The following CEP70 variants were observed in gnomAD, a reference collection of about 807,000 sequenced individuals.
The protein encoded by CEP70 is centrosomal protein of 70 kDa.
CEP70 carries 70 observed loss-of-function variants against 90.9 expected under a neutral mutation model. That is an observed-to-expected ratio of 0.77 (90% CI 0.64 to 0.94). CEP70 has a LOEUF of 0.94. Ranked by LOEUF, CEP70 falls within the 40% of genes least tolerant of loss-of-function variation. The pLI is 0.00. For synonymous variants in CEP70, 220 were observed against 228.3 expected (o/e 0.96, Z 0.33); for missense variants, 648 against 669.0 (o/e 0.97, Z 0.35).
chr3:138,545,108 A>G (rs977858830), intron 6 of CEP70, among the ~76,000 whole-genome samples: 5 of 152,216 alleles, frequency 3.3e-5, no homozygotes, highest in Non-Finnish European at 5.9e-5. Context: ...GGTGATGGAT[A>G]TCTCATTTAC....
At chr3:138,509,122 G>A (rs2035281457) in intron 11 of CEP70, among the ~76,000 whole-genome samples, 1 of 152,130 alleles carries the variant, frequency 6.6e-6, no homozygotes, top group South Asian at 2.1e-4. Flanking sequence ...TCTGAAGACA[G>A]AAGAGATCAG....
At chr3:138,510,673 A>G (rs1353575491) in intron 11 of CEP70, among the ~76,000 whole-genome samples, 1 of 152,086 alleles carries the variant, frequency 6.6e-6, no homozygotes, top group East Asian at 1.9e-4. Context: ...GGCATACTCA[A>G]ATTGAAGAGG....
chr3:138,562,022 CAAA>C (rs35638353), intron 6 of CEP70, among the ~76,000 whole-genome samples: 11 of 110,854 alleles, frequency 9.9e-5, no homozygotes, highest in Non-Finnish European at 9.4e-5. Context: ...GACGCCGTCT[CAAA>C]AAAAAAAAAA....
chr3:138,527,431 T>C (rs2037375365), intron 10 of CEP70, among the ~76,000 whole-genome samples: 1 of 151,892 alleles, frequency 6.6e-6, no homozygotes, highest in Non-Finnish European at 1.5e-5. Flanking sequence ...GCACGGTGGC[T>C]CACGCTTGTA....
intron 6 of CEP70, among the ~76,000 whole-genome samples, chr3:138,562,654 C>T (rs1400195696): frequency 6.6e-6 from 1 of 152,156 alleles, no homozygotes; most frequent in Non-Finnish European, 1.5e-5. Flanking sequence ...CAAACAAATG[C>T]TGAGCAATTT....
rs5852917 is a variant in CEP70 at position 138,587,620 on chromosome 3, C to CAAAAAAAAAAAA, written c.-6+4233_-6+4234insTTTTTTTTTTTT. 5.5e-4 allele frequency among the ~76,000 whole-genome samples: 76 copies of CAAAAAAAAAAAA among 137,404 alleles called. 3 individuals carry two copies. The highest frequency in any genetic ancestry group is 3.8e-3 in the Middle Eastern group (1 of 262). 90.1% of individuals were successfully genotyped at this position (137,404 alleles called of 152,430 possible). On this transcript the variant is annotated intron_variant, in intron 2 of 17. Coordinates refer to ENST00000264982, the MANE Select transcript of CEP70 (RefSeq NM_024491.4). ...GCAACATAGCAAGACCCCATCTCTA[C>CAAAAAAAAAAAA]AAAAAAAAGATTAGCCAGGCATTGT...
intron 17 of CEP70, chr3:138,495,900 G>A (rs1182890136): frequency 1.0e-6 from 1 of 985,182 alleles, no homozygotes; most frequent in Non-Finnish European, 1.2e-6. Context: ...CTCATCGAGT[G>A]TACAAACCTC....
intron 10 of CEP70, among the ~76,000 whole-genome samples, chr3:138,528,077 C>T (rs1052496444): frequency 3.4e-5 from 5 of 147,900 alleles, no homozygotes; most frequent in Non-Finnish European, 7.4e-5. Flanking sequence ...CAGGGTCTCG[C>T]TCTGTCACAC....
intron 13 of CEP70, among the ~76,000 whole-genome samples, chr3:138,501,197 A>T (rs1213266585): frequency 6.6e-6 from 1 of 152,190 alleles, no homozygotes; most frequent in East Asian, 1.9e-4. Flanking sequence ...ATTGTTCCAT[A>T]ATATTTCATT....
chr3:138,532,865 C>T (rs1351879536), intron 7 of CEP70, among the ~76,000 whole-genome samples: 1 of 152,140 alleles, frequency 6.6e-6, no homozygotes, highest in East Asian at 1.9e-4. Context: ...AGAAATAAGT[C>T]AAAGGATGCA....
At chr3:138,498,525 G>A (rs1321035334) in intron 16 of CEP70, among the ~76,000 whole-genome samples, 1 of 151,096 alleles carries the variant, frequency 6.6e-6, no homozygotes, top group Non-Finnish European at 1.5e-5. Context: ...TAGTAGAGAC[G>A]GGGTTTCACC....
rs371951816 is a variant in CEP70, at chr3:138,565,733, C to T, written c.465+4585G>A. Among the ~76,000 whole-genome samples, 49 of 152,204 alleles carry T rather than the reference C, an allele frequency of 3.2e-4. No individual in the cohort carries two copies. The South Asian group carries it at 9.3e-3, about 29-fold the overall frequency. Reference sequence around the variant, plus strand: ...AAACCATAAAATCCCTAGAAGAAAACCTAGGCAATACCACTGAGGACACAG... The same window carrying T: ...AAACCATAAAATCCCTAGAAGAAAATCTAGGCAATACCACTGAGGACACAG... On this transcript the variant is annotated intron_variant, in intron 6 of 17. Coordinates refer to ENST00000264982, the MANE Select transcript of CEP70 (RefSeq NM_024491.4).
At chr3:138,536,973 A>G (rs2038318834) in intron 7 of CEP70, 2 of 354,196 alleles carry the variant, frequency 5.6e-6, no homozygotes, top group Admixed American at 4.8e-5. Flanking sequence ...GTAAATGTTC[A>G]ATTCCATTCT....
intron 11 of CEP70, among the ~76,000 whole-genome samples, chr3:138,524,127 G>A (rs553120970): frequency 1.5e-3 from 219 of 148,776 alleles, no homozygotes; most frequent in African/African-American, 5.4e-3. Flanking sequence ...AATGGGGAAA[G>A]GATTCCCTAT....
chr3:138,573,538 A>T (rs1187647930), intron 2 of CEP70, among the ~76,000 whole-genome samples: 1 of 152,242 alleles, frequency 6.6e-6, no homozygotes, highest in Non-Finnish European at 1.5e-5. Context: ...TTTCAAACAC[A>T]TGACACAAAA....
intron 7 of CEP70, 126 bp from the exon 8 acceptor site, chr3:138,532,696 A>C (rs2037933463): frequency 1.2e-6 from 1 of 830,248 alleles, no homozygotes; most frequent in East Asian, 3.6e-5. Context: ...GCTTTAAAAA[A>C]TTTAAGTGAT....
chr3:138,523,539 A>G (rs1350052523), intron 11 of CEP70, among the ~76,000 whole-genome samples: 1 of 152,140 alleles, frequency 6.6e-6, no homozygotes, highest in Non-Finnish European at 1.5e-5. Context: ...TCAGGATACA[A>G]AATCAATGTG....
rs1361819008 is a variant in CEP70, at chr3:138,565,889, C to A, written c.465+4429G>T. Among the ~76,000 whole-genome samples the A allele has an allele frequency of 2.6e-5, 4 of 152,202 alleles. No homozygotes were observed. The East Asian group carries it at 7.7e-4, about 29-fold the overall frequency. On this transcript the variant is annotated intron_variant, in intron 6 of 17. Coordinates refer to ENST00000264982, the MANE Select transcript of CEP70 (RefSeq NM_024491.4). ...AACTACCATCAGAGTGAACAGGCAA[C>A]CTACAGAATGGGGGAAAATTTTTGC...
chr3:138,497,606 TTA>T (rs1311623459), intron 17 of CEP70: 4 of 956,588 alleles, frequency 4.2e-6, no homozygotes, highest in Non-Finnish European at 3.7e-6. Context: ...ATTTATGACT[TTA>T]TGTTACTTCA....
Sources: gnomAD v4.1 joint callset for allele counts (sites outside exome capture counted in the v4.1 genomes callset) on GRCh38, gnomAD v4.1.1 for gene constraint, MANE v1.5 for transcripts, NCBI Gene and HGNC (gene_info 2026-07-23, HGNC 2026-07-21) for gene names.